The following WDR70 variants were observed in gnomAD, a reference collection of about 807,000 sequenced individuals.
The protein encoded by WDR70 is WD repeat domain 70.
Under a neutral mutation model 88.6 loss-of-function variants are expected in WDR70, and 53 were observed. That is an observed-to-expected ratio of 0.60 (90% CI 0.48 to 0.75). The LOEUF (loss-of-function observed/expected upper bound fraction) is 0.75. Among genes scored for constraint, WDR70 ranks in the 30% least tolerant of loss-of-function variants. The pLI is 0.00. For missense variants in WDR70, 610 were observed against 823.2 expected (o/e 0.74, Z 3.17); for synonymous variants, 280 against 270.0 (o/e 1.04, Z -0.36).
At chr5:37,554,932 A>G (rs1448180015) in intron 9 of WDR70, among the ~76,000 whole-genome samples, 5 of 152,340 alleles carry the variant, frequency 3.3e-5, no homozygotes, top group Non-Finnish European at 2.9e-5. Context: ...TTAAATATGT[A>G]TTAGGGAATT....
intron 10 of WDR70, among the ~76,000 whole-genome samples, chr5:37,662,548 G>C (rs1745730778): frequency 6.6e-6 from 1 of 152,144 alleles, no homozygotes; most frequent in Non-Finnish European, 1.5e-5. Context: ...TTCAGATTAA[G>C]ACAGTTTGTT....
At chr5:37,416,357 G>C (rs1028677339) in intron 5 of WDR70, among the ~76,000 whole-genome samples, 1 of 152,288 alleles carries the variant, frequency 6.6e-6, no homozygotes, top group Admixed American at 6.5e-5. Flanking sequence ...AAAAAAATAC[G>C]AAAACCAGTC....
chr5:37,731,613 G>C (rs1156703211), intron 17 of WDR70, among the ~76,000 whole-genome samples: 2 of 151,968 alleles, frequency 1.3e-5, no homozygotes, highest in African/African-American at 4.8e-5. Flanking sequence ...TTATACTTCA[G>C]AAACCTTGTT....
In WDR70 at chr5:37,702,407, A is replaced by AATCATAGCC. The variant is rs1294006640; in HGVS notation, c.1278-537_1278-529dup. Among the ~76,000 whole-genome samples the AATCATAGCC allele has an allele frequency of 9.2e-5, 14 of 152,332 alleles. 1 individual carries two copies. The highest frequency in any genetic ancestry group is 8.5e-4 in the Admixed American group (13 of 15,298). On this transcript the variant is annotated intron_variant, in intron 12 of 17. Coordinates refer to ENST00000265107, the MANE Select transcript of WDR70 (RefSeq NM_018034.4). ...AGACTGCTAACAACAAAAGCCTTGG[A>AATCATAGCC]ATCATAGCCATCAATTAGGTTCCAG...
At chr5:37,561,986 G>T (rs1742520582) in intron 9 of WDR70, among the ~76,000 whole-genome samples, 1 of 152,154 alleles carries the variant, frequency 6.6e-6, no homozygotes, top group Non-Finnish European at 1.5e-5. Flanking sequence ...TGGTCCTGGG[G>T]TCTACATATG....
chr5:37,486,412 C>T (rs923506841), intron 8 of WDR70, among the ~76,000 whole-genome samples: 6 of 151,816 alleles, frequency 4.0e-5, no homozygotes, highest in Non-Finnish European at 7.4e-5. Flanking sequence ...GGCATGATCT[C>T]GGCTCACTAC....
chr5:37,700,214 T>G (rs1445989893), intron 11 of WDR70: 1 of 152,208 alleles, frequency 6.6e-6, no homozygotes, highest in African/African-American at 2.4e-5. Flanking sequence ...AGGTCTCAGC[T>G]GTGGGCACTG....
intron 8 of WDR70, among the ~76,000 whole-genome samples, chr5:37,484,986 C>T (rs1212206665): frequency 6.6e-6 from 1 of 152,210 alleles, no homozygotes; most frequent in African/African-American, 2.4e-5. Context: ...ATAAACATAC[C>T]TGATCTCTAG....
Position 37,701,105 on chromosome 5 carries a change from C to T in WDR70, c.1240C>T (p.Leu414Phe). The part of the protein sequence containing the change: ...LWDIRQFNKP[L>F]FSASGLPTMF... ...GGACATCCGACAATTTAATAAACCA[C>T]TTTTTTCAGCCTCGGGTCTTCCCAC... Residue 414 changes from leucine (L) to phenylalanine (F), a missense_variant, in exon 12 of 18, where the codon CTT becomes TTT. By Grantham distance (22) the Leu-to-Phe change is conservative. Coordinates refer to ENST00000265107, the MANE Select transcript of WDR70 (RefSeq NM_018034.4). The T allele has an allele frequency of 6.2e-7, 1 of 1,612,470 alleles. No homozygotes were observed. The highest frequency in any genetic ancestry group is 8.5e-7 in the Non-Finnish European group (1 of 1,178,764).
intron 3 of WDR70, among the ~76,000 whole-genome samples, chr5:37,387,010 A>T (rs1241323104): frequency 6.6e-6 from 1 of 151,990 alleles, no homozygotes; most frequent in Admixed American, 6.6e-5. Context: ...GAGGCAGGAG[A>T]ATCGCTTGAA....
At chr5:37,521,072 G>T (rs1482128398) in intron 9 of WDR70, among the ~76,000 whole-genome samples, 1 of 151,964 alleles carries the variant, frequency 6.6e-6, no homozygotes, top group East Asian at 1.9e-4. Context: ...GGCTATTCTG[G>T]TTAAAACTTA....
At chr5:37,671,016 C>T (rs943464749) in intron 10 of WDR70, among the ~76,000 whole-genome samples, 1 of 152,140 alleles carries the variant, frequency 6.6e-6, no homozygotes, top group East Asian at 1.9e-4. Context: ...TCAGTCTAGA[C>T]CTGGATTTAT....
At chr5:37,482,540 A>G (rs530279151) in intron 8 of WDR70, among the ~76,000 whole-genome samples, 7 of 152,320 alleles carry the variant, frequency 4.6e-5, no homozygotes, top group African/African-American at 1.7e-4. Flanking sequence ...CCCATGATTC[A>G]GTTATCTGCA....
intron 2 of WDR70, among the ~76,000 whole-genome samples, chr5:37,380,965 A>G (rs551301540): frequency 6.6e-6 from 1 of 152,286 alleles, no homozygotes; most frequent in South Asian, 2.1e-4. Flanking sequence ...TTAGTACATC[A>G]TTCCTTTACT....
chr5:37,711,720 T>G lies in WDR70; in HGVS notation c.1416+8633T>G, dbSNP rs1319852674. ...AAACTCTCCAGTGACCAAATTGGAGTAAGGGTCTCCTCAGGGCTGATGGTG... is the reference window on the plus strand; with the variant it reads ...AAACTCTCCAGTGACCAAATTGGAGGAAGGGTCTCCTCAGGGCTGATGGTG... On this transcript the variant is annotated intron_variant, in intron 13 of 17. Transcript: ENST00000265107. Among the ~76,000 whole-genome samples the G allele has an allele frequency of 3.9e-5, 6 of 152,242 alleles. 1 individual carries two copies. The highest frequency in any genetic ancestry group is 3.3e-4 in the Admixed American group (5 of 15,278).
chr5:37,747,854 A>G (rs1234083042), intron 17 of WDR70, among the ~76,000 whole-genome samples: 5 of 152,236 alleles, frequency 3.3e-5, no homozygotes, highest in Non-Finnish European at 7.3e-5. Context: ...GTAGACAAGC[A>G]GAGAGTCAAA....
At chr5:37,421,007 A>G (rs1442045498) in intron 5 of WDR70, among the ~76,000 whole-genome samples, 6 of 152,200 alleles carry the variant, frequency 3.9e-5, no homozygotes, top group African/African-American at 1.4e-4. Context: ...CTTTTGTGCA[A>G]TTTTCTAAAC....
chr5:37,419,096 T>C (rs1749858006), intron 5 of WDR70, among the ~76,000 whole-genome samples: 1 of 151,994 alleles, frequency 6.6e-6, no homozygotes, highest in South Asian at 2.1e-4. Flanking sequence ...GAATGCTCAT[T>C]TTAAAAAATC....
intron 17 of WDR70, among the ~76,000 whole-genome samples, chr5:37,731,390 A>G (rs553009201): frequency 2.0e-5 from 3 of 152,320 alleles, no homozygotes; most frequent in Admixed American, 6.5e-5. Flanking sequence ...ACATCTCTGA[A>G]CAGTGAATTG....
Sources: gnomAD v4.1 joint callset for allele counts (sites outside exome capture counted in the v4.1 genomes callset) on GRCh38, gnomAD v4.1.1 for gene constraint, MANE v1.5 for transcripts, NCBI Gene and HGNC (gene_info 2026-07-23, HGNC 2026-07-21) for gene names.